The following FAF1 variants were observed in gnomAD, a reference collection of about 807,000 sequenced individuals.
FAF1 encodes the protein FAS-associated factor 1.
FAF1 carries 25 observed loss-of-function variants against 92.5 expected under a neutral mutation model. That is an observed-to-expected ratio of 0.27 (90% CI 0.20 to 0.38). FAF1 has a LOEUF of 0.38. Ranked by LOEUF, FAF1 falls within the 10% of genes least tolerant of loss-of-function variation. The pLI is 1.00. For missense variants in FAF1, 636 were observed against 793.3 expected, an observed-to-expected ratio of 0.80 and a Z score of 2.38; for synonymous variants, 234 against 273.2, an observed-to-expected ratio of 0.86 and a Z score of 1.42.
At chr1:50,556,726 A>C (rs1557993832) in intron 13 of FAF1, among the ~76,000 whole-genome samples, 1 of 151,936 alleles carries the variant, frequency 6.6e-6, no homozygotes, top group Non-Finnish European at 1.5e-5. Context: ...AGTCCCAGCT[A>C]CTTGGGAGGC....
chr1:50,728,790 CAAAA>C (rs547043455), intron 6 of FAF1, among the ~76,000 whole-genome samples: 1 of 99,502 alleles, frequency 1.0e-5, no homozygotes, highest in African/African-American at 3.7e-5. Context: ...GACTCCGTCT[CAAAA>C]AAAAAAAAAA....
In FAF1 at chr1:50,597,951, T is replaced by G. The variant is rs114859334; in HGVS notation, c.745-1735A>C. On this transcript the variant is annotated intron_variant, in intron 8 of 18. Transcript: ENST00000396153. ...ACTTTTAAACTCAGAGTGTCCTGAGTTCAAATTCACTTCTACTATTCACTC... is the reference window on the plus strand; with the variant it reads ...ACTTTTAAACTCAGAGTGTCCTGAGGTCAAATTCACTTCTACTATTCACTC... Among the ~76,000 whole-genome samples, 336 of 152,182 alleles carry G rather than the reference T, an allele frequency of 2.2e-3. 3 individuals carry two copies. The highest frequency in any genetic ancestry group is 8.0e-3 in the African/African-American group (333 of 41,532).
chr1:50,688,057 C>G lies in FAF1; in HGVS notation c.657+17729G>C, dbSNP rs541062341. On this transcript the variant is annotated intron_variant, in intron 7 of 18. Coordinates refer to ENST00000396153, the MANE Select transcript of FAF1 (RefSeq NM_007051.3). ...GGCTGAGGCAGAAGAACAGCGTGAACCCGGGAGGTGGAGCTTGCAGGGAGC... is the reference window on the plus strand; with the variant it reads ...GGCTGAGGCAGAAGAACAGCGTGAAGCCGGGAGGTGGAGCTTGCAGGGAGC... Among the ~76,000 whole-genome samples, 3 of 151,978 alleles carry G rather than the reference C, an allele frequency of 2.0e-5. No homozygotes were observed. The South Asian group carries it at 6.2e-4, about 32-fold the overall frequency.
intron 7 of FAF1, among the ~76,000 whole-genome samples, chr1:50,672,157 G>C (rs991766486): frequency 4.6e-5 from 7 of 151,874 alleles, no homozygotes; most frequent in African/African-American, 1.7e-4. Context: ...GGAATTCTCT[G>C]CCTCAGCCTC....
intron 1 of FAF1, among the ~76,000 whole-genome samples, chr1:50,887,822 G>A (rs1644681702): frequency 6.6e-6 from 1 of 152,312 alleles, no homozygotes; most frequent in African/African-American, 2.4e-5. Context: ...GATGCCTCCA[G>A]CTTTGTTCTT....
intron 1 of FAF1, among the ~76,000 whole-genome samples, chr1:50,959,282 C>T (rs1645296188): frequency 6.6e-6 from 1 of 152,102 alleles, no homozygotes; most frequent in Non-Finnish European, 1.5e-5. Context: ...TGAAAAGGAC[C>T]TCAGTACCCC....
At chr1:50,939,551 C>A (rs1358171668) in intron 1 of FAF1, among the ~76,000 whole-genome samples, 1 of 152,138 alleles carries the variant, frequency 6.6e-6, no homozygotes, top group African/African-American at 2.4e-5. Context: ...GTACTATGAC[C>A]AGTACTATGA....
chr1:50,887,372 T>G (rs1273646045), intron 1 of FAF1, among the ~76,000 whole-genome samples: 1 of 152,214 alleles, frequency 6.6e-6, no homozygotes, highest in Non-Finnish European at 1.5e-5. Context: ...CAGAAGCTCT[T>G]TAGTTTAATT....
At chr1:50,880,226 G>A (rs1644600721) in intron 1 of FAF1, among the ~76,000 whole-genome samples, 1 of 152,010 alleles carries the variant, frequency 6.6e-6, no homozygotes, top group Admixed American at 6.5e-5. Context: ...GACCAGCCAA[G>A]GAGCTGATAT....
chr1:50,890,876 C>G (rs1449247279), intron 1 of FAF1, among the ~76,000 whole-genome samples: 2 of 152,132 alleles, frequency 1.3e-5, no homozygotes, highest in Non-Finnish European at 1.5e-5. Flanking sequence ...TTGTGACGTT[C>G]TCTGTATTTC....
chr1:50,621,356 C>A (rs1653192583), intron 8 of FAF1, among the ~76,000 whole-genome samples: 1 of 140,210 alleles, frequency 7.1e-6, no homozygotes, highest in Non-Finnish European at 1.5e-5. Context: ...ATGCCCCAGT[C>A]TTACGGGGAA....
chr1:50,864,868 C>A (rs1318391811), intron 1 of FAF1, among the ~76,000 whole-genome samples: 1 of 151,960 alleles, frequency 6.6e-6, no homozygotes, highest in East Asian at 1.9e-4. Context: ...AGAGCTTCTG[C>A]ACAGCAAAAG....
intron 8 of FAF1, among the ~76,000 whole-genome samples, chr1:50,639,592 T>C (rs1231410073): frequency 6.6e-6 from 1 of 152,172 alleles, no homozygotes; most frequent in African/African-American, 2.4e-5. Context: ...CTCTTTTTGT[T>C]CTTTTTTTTT....
intron 2 of FAF1, among the ~76,000 whole-genome samples, chr1:50,810,546 C>A (rs1351421916): frequency 6.6e-6 from 1 of 152,170 alleles, no homozygotes; most frequent in South Asian, 2.1e-4. Context: ...TCTCTCACTA[C>A]TCTATTCAAC....
chr1:50,548,967 C>G (rs1227105128), intron 13 of FAF1, among the ~76,000 whole-genome samples: 1 of 152,132 alleles, frequency 6.6e-6, no homozygotes, highest in Non-Finnish European at 1.5e-5. Context: ...TTAATAAATT[C>G]TACTTGTTTT....
intron 8 of FAF1, among the ~76,000 whole-genome samples, chr1:50,616,346 T>C (rs557505658): frequency 1.3e-5 from 2 of 152,344 alleles, no homozygotes; most frequent in South Asian, 2.1e-4. Flanking sequence ...ATATTAATTT[T>C]AGAATTTTTG....
At chr1:50,540,498 A>C (rs143586777) in intron 13 of FAF1, among the ~76,000 whole-genome samples, 2,142 of 152,294 alleles carry the variant, frequency 0.014, 40 homozygotes, top group African/African-American at 0.05. Flanking sequence ...TAGGTCTTCT[A>C]GTTTCATACT....
chr1:50,698,154 T>C (rs1657314313), intron 7 of FAF1, among the ~76,000 whole-genome samples: 1 of 152,160 alleles, frequency 6.6e-6, no homozygotes, highest in African/African-American at 2.4e-5. Flanking sequence ...CTTGTGTGTG[T>C]GTGTGTGTTT....
intron 8 of FAF1, among the ~76,000 whole-genome samples, chr1:50,629,282 G>C (rs1446484881): frequency 6.7e-6 from 1 of 149,230 alleles, no homozygotes; most frequent in Non-Finnish European, 1.5e-5. Flanking sequence ...TGATTATCCT[G>C]TCTCAGCCTC....
Sources: gnomAD v4.1 joint callset for allele counts (sites outside exome capture counted in the v4.1 genomes callset) on GRCh38, gnomAD v4.1.1 for gene constraint, MANE v1.5 for transcripts, NCBI Gene and HGNC (gene_info 2026-07-23, HGNC 2026-07-21) for gene names.